The following ZBTB20 variants were observed in gnomAD, a reference collection of about 807,000 sequenced individuals.
The protein encoded by ZBTB20 is zinc finger and BTB domain containing 20, also known as zinc finger and BTB domain-containing protein 20.
In ZBTB20, 9 loss-of-function variants were observed where a neutral mutation model predicts 56.9. The ratio of observed to expected loss-of-function variants is 0.16; its 90% CI spans 0.10 to 0.28. The LOEUF (loss-of-function observed/expected upper bound fraction) is 0.28, where lower values mean the gene tolerates loss of function less well. Ranked by LOEUF, ZBTB20 falls within the 10% of genes least tolerant of loss-of-function variation. The probability of loss-of-function intolerance (pLI) is 1.00; values close to 1 mark genes in which losing one functional copy is unlikely to be tolerated. For synonymous variants in ZBTB20, 417 were observed against 420.7 expected, an observed-to-expected ratio of 0.99 and a Z score of 0.11; for missense variants, 655 against 1,003.0, an observed-to-expected ratio of 0.65 and a Z score of 4.69.
intron 6 of ZBTB20, among the ~76,000 whole-genome samples, chr3:114,579,071 T>G (rs183252373): frequency 1.3e-5 from 2 of 151,896 alleles, no homozygotes; most frequent in Admixed American, 6.5e-5. Flanking sequence ...AAAAGGTCGA[T>G]TTTATATTTT....
At chr3:114,605,040 C>A (rs2057037418) in intron 6 of ZBTB20, among the ~76,000 whole-genome samples, 1 of 151,864 alleles carries the variant, frequency 6.6e-6, no homozygotes, top group African/African-American at 2.4e-5. Flanking sequence ...TTCTATAATA[C>A]TTAGGCGATG....
chr3:114,842,780 T>C (rs556838552), intron 4 of ZBTB20, among the ~76,000 whole-genome samples: 9 of 151,956 alleles, frequency 5.9e-5, no homozygotes, highest in South Asian at 4.1e-4. Context: ...GCCATCCTCT[T>C]GTATTTTTCA....
At chr3:114,928,831 ATCTT>A (rs2076252737) in intron 3 of ZBTB20, among the ~76,000 whole-genome samples, 2 of 152,262 alleles carry the variant, frequency 1.3e-5, no homozygotes, top group Admixed American at 1.3e-4. Context: ...CTTTAGATCT[ATCTT>A]CTTATAAAAA....
chr3:114,605,782 A>G (rs1163968545), intron 6 of ZBTB20, among the ~76,000 whole-genome samples: 2 of 152,162 alleles, frequency 1.3e-5, no homozygotes, highest in Non-Finnish European at 2.9e-5. Flanking sequence ...AGAAGTTAAC[A>G]AGGCAAAGAT....
chr3:114,995,444 T>C (rs1408874242), intron 2 of ZBTB20, among the ~76,000 whole-genome samples: 2 of 151,994 alleles, frequency 1.3e-5, no homozygotes, highest in East Asian at 3.9e-4. Context: ...TGGTTACTGT[T>C]AGACCTGCTT....
chr3:114,594,034 C>G (rs1033165178), intron 6 of ZBTB20, among the ~76,000 whole-genome samples: 1 of 152,140 alleles, frequency 6.6e-6, no homozygotes. Context: ...ATATGTCCCA[C>G]TGTTCTCATT....
chr3:114,522,165 A>G (rs749604330), intron 6 of ZBTB20, among the ~76,000 whole-genome samples: 3 of 152,218 alleles, frequency 2.0e-5, no homozygotes, highest in Non-Finnish European at 4.4e-5. Context: ...GTGGAAAGCT[A>G]AATGTTAAAT....
At chr3:114,854,372 T>C (rs1219199632) in intron 4 of ZBTB20, among the ~76,000 whole-genome samples, 1 of 152,216 alleles carries the variant, frequency 6.6e-6, no homozygotes, top group Non-Finnish European at 1.5e-5. Context: ...TTTTGTGTGT[T>C]TTTTCCTAGT....
At chr3:114,952,216 G>T (rs541815406) in intron 3 of ZBTB20, among the ~76,000 whole-genome samples, 5 of 152,144 alleles carry the variant, frequency 3.3e-5, no homozygotes, top group Non-Finnish European at 5.9e-5. Context: ...CCTTTAAGAG[G>T]TAAGTAAGAT....
Position 114,478,853 on chromosome 3 carries a change from G to C in ZBTB20, c.-255+21499C>G, listed in dbSNP as rs1438281319. Among the ~76,000 whole-genome samples, 3 of 152,212 alleles carry C rather than the reference G, an allele frequency of 2.0e-5. No homozygotes were observed. The East Asian group carries it at 5.8e-4, about 29-fold the overall frequency. On this transcript the variant is annotated intron_variant, in intron 7 of 11. Transcript: ENST00000675478. ...ATACCAAATTAAGTATTTTATTCTG[G>C]GTTTAGGGAGGCTTCTCCTGTGCAA... is the stretch of plus-strand genomic sequence containing the variant.
intron 2 of ZBTB20, among the ~76,000 whole-genome samples, chr3:114,999,819 T>C (rs899634509): frequency 4.0e-5 from 6 of 151,670 alleles, no homozygotes; most frequent in African/African-American, 1.4e-4. Context: ...AGCCAAATAT[T>C]TGGAGATATT....
rs2078967982 is a variant in ZBTB20 at position 114,323,556 on chromosome 3, G to A, written c.*15449C>T. 6.6e-6 allele frequency: 1 copy of A among 152,232 alleles called. No homozygotes were observed. Among genetic ancestry groups the A allele is most frequent in the African/African-American group, 2.4e-5 (1 of 41,450 alleles). The allele number at this position is 152,232 out of a possible 1,614,324, so 9.4% of individuals were successfully genotyped here. On this transcript the variant is annotated 3_prime_UTR_variant, in exon 12 of 12. Transcript: ENST00000675478. ...CTACTGCCCTCTGCCACACTAAAAT[G>A]TGCACAAGCAAGGGGCTTTGTGGAG...
chr3:114,595,004 T>C (rs1233822831), intron 6 of ZBTB20, among the ~76,000 whole-genome samples: 1 of 152,234 alleles, frequency 6.6e-6, no homozygotes. Flanking sequence ...CATAAATCCA[T>C]TTATACTTAT....
At chr3:114,633,010 C>T (rs1437394369) in intron 6 of ZBTB20, among the ~76,000 whole-genome samples, 1 of 152,172 alleles carries the variant, frequency 6.6e-6, no homozygotes, top group East Asian at 1.9e-4. Context: ...TGAGACCAAA[C>T]ATGAATATGA....
At chr3:114,651,909 G>A (rs981284800) in intron 6 of ZBTB20, among the ~76,000 whole-genome samples, 4 of 151,958 alleles carry the variant, frequency 2.6e-5, no homozygotes, top group Admixed American at 6.6e-5. Flanking sequence ...AGGCAGAAGA[G>A]AAAAGTTTTA....
intron 6 of ZBTB20, among the ~76,000 whole-genome samples, chr3:114,611,895 C>T (rs1367885778): frequency 6.6e-6 from 1 of 152,134 alleles, no homozygotes; most frequent in Non-Finnish European, 1.5e-5. Context: ...TTCAGCAAAT[C>T]CTTATTGCAT....
intron 2 of ZBTB20, among the ~76,000 whole-genome samples, chr3:115,048,943 T>A (rs2081438577): frequency 6.6e-6 from 1 of 152,156 alleles, no homozygotes; most frequent in African/African-American, 2.4e-5. Context: ...CAGGTACACA[T>A]ACTTGAACCT....
intron 6 of ZBTB20, among the ~76,000 whole-genome samples, chr3:114,526,057 T>A (rs1309569612): frequency 6.6e-6 from 1 of 152,200 alleles, no homozygotes; most frequent in Non-Finnish European, 1.5e-5. Flanking sequence ...TTTATTTTTT[T>A]AAATCCCTGC....
chr3:114,356,168 G>A (rs1445765625), intron 10 of ZBTB20: 1 of 152,172 alleles, frequency 6.6e-6, no homozygotes, highest in East Asian at 1.9e-4. Context: ...AACACAGACG[G>A]GGCTAAAGCA....
Sources: gnomAD v4.1 joint callset for allele counts (sites outside exome capture counted in the v4.1 genomes callset) on GRCh38, gnomAD v4.1.1 for gene constraint, MANE v1.5 for transcripts, NCBI Gene and HGNC (gene_info 2026-07-23, HGNC 2026-07-21) for gene names.